Variants in TMEM266 observed in about 807,000 individuals in gnomAD.
TMEM266 encodes the protein Hv1 related protein 1.
TMEM266 carries 33 observed loss-of-function variants against 50.5 expected under a neutral mutation model. The observed-to-expected ratio is 0.65, with a 90% CI of 0.50 to 0.87. The LOEUF (loss-of-function observed/expected upper bound fraction) is 0.87, where lower values mean the gene tolerates loss of function less well. Among genes scored for constraint, TMEM266 ranks in the 40% least tolerant of loss-of-function variants. The pLI, the probability that TMEM266 is intolerant of heterozygous loss-of-function variation, is 0.00. For missense variants in TMEM266, 655 were observed against 695.1 expected, an observed-to-expected ratio of 0.94 and a Z score of 0.65; for synonymous variants, 310 against 292.3, an observed-to-expected ratio of 1.06 and a Z score of -0.62.
chr15:76,122,656 A>G (rs1234164291), intron 1 of TMEM266, among the ~76,000 whole-genome samples: 3 of 152,368 alleles, frequency 2.0e-5, no homozygotes, highest in Non-Finnish European at 4.4e-5. Flanking sequence ...ATACTGGGAC[A>G]GCCGCTGCAG....
chr15:76,129,966 G>T (rs146393272), intron 1 of TMEM266, among the ~76,000 whole-genome samples: 1 of 151,896 alleles, frequency 6.6e-6, no homozygotes, highest in Non-Finnish European at 1.5e-5. Context: ...GCTCACTCCC[G>T]TGATTTTAAC....
At position 76,103,238 on chromosome 15, in the gene TMEM266, C is replaced by T. The variant is rs145137995; in HGVS notation, c.-96-30930C>T. On this transcript the variant is annotated intron_variant, in intron 1 of 10. Coordinates refer to ENST00000388942, the MANE Select transcript of TMEM266 (RefSeq NM_152335.3). Reference sequence around the variant, plus strand: ...GGAGGAGTCAGCCAGGCAGGTAGTTCGTGCCTGTAATTCCAGCATTTTGGG... The same window carrying T: ...GGAGGAGTCAGCCAGGCAGGTAGTTTGTGCCTGTAATTCCAGCATTTTGGG... Among the ~76,000 whole-genome samples the T allele has an allele frequency of 1.0e-3, 158 of 151,950 alleles. 1 individual carries two copies. The highest frequency in any genetic ancestry group is 3.5e-3 in the African/African-American group (145 of 41,420).
rs369973801 is a variant in TMEM266 at position 76,171,144 on chromosome 15, A to AG, written c.652+19dup. 1.2e-5 allele frequency: 20 copies of AG among 1,612,610 alleles called. No homozygotes were observed. The highest frequency in any genetic ancestry group is 1.1e-4 in the African/African-American group (8 of 74,972). On this transcript the variant is annotated intron_variant, in intron 7 of 10. Transcript: ENST00000388942. The stretch of plus-strand genomic sequence containing the variant: ...AGGGTCATTGATGGTGAGTGGCCCG[A>AG]GGGGGGTGTGGTCAGTGGGGCTGCT...
intron 5 of TMEM266, among the ~76,000 whole-genome samples, chr15:76,163,465 T>C (rs1013805949): frequency 6.6e-6 from 1 of 152,174 alleles, no homozygotes; most frequent in African/African-American, 2.4e-5. Flanking sequence ...TGAGACTTCC[T>C]GGGCCCCAGT....
In TMEM266 at chr15:76,156,600, A is replaced by G. The variant is rs200454709; in HGVS notation, c.228-4A>G. On this transcript the variant is annotated splice_region_variant and splice_polypyrimidine_tract_variant and intron_variant, in intron 3 of 10. Transcript: ENST00000388942. Reference sequence around the variant, plus strand: ...CTCTCTTCTCCCCACTTTTGTCCCCACAGGTCTAACTGGCTGAAGCCGTGC... The same window carrying G: ...CTCTCTTCTCCCCACTTTTGTCCCCGCAGGTCTAACTGGCTGAAGCCGTGC... The G allele has an allele frequency of 1.8e-5, 29 of 1,613,316 alleles. No homozygotes were observed. The South Asian group carries it at 3.1e-4, about 17-fold the overall frequency.
chr15:76,119,015 C>T (rs1402129773), intron 1 of TMEM266, among the ~76,000 whole-genome samples: 1 of 152,148 alleles, frequency 6.6e-6, no homozygotes, highest in Admixed American at 6.5e-5. Flanking sequence ...CGTCATCATG[C>T]ACAGACCTGT....
intron 5 of TMEM266, among the ~76,000 whole-genome samples, chr15:76,163,430 G>T (rs2038047106): frequency 1.3e-5 from 2 of 152,120 alleles, no homozygotes; most frequent in Admixed American, 6.5e-5. Flanking sequence ...CCCTGCACAG[G>T]GTCCAAGGTG....
At chr15:76,095,455 G>A (rs2036909120) in intron 1 of TMEM266, among the ~76,000 whole-genome samples, 1 of 152,146 alleles carries the variant, frequency 6.6e-6, no homozygotes, top group African/African-American at 2.4e-5. Context: ...TGCATCCCAG[G>A]GATGAAGCCG....
chr15:76,119,766 C>CAAA (rs35165074), intron 1 of TMEM266, among the ~76,000 whole-genome samples: 1 of 148,104 alleles, frequency 6.8e-6, no homozygotes, highest in African/African-American at 2.5e-5. Flanking sequence ...GACTTGGTCT[C>CAAA]AAAAAAAAAA....
chr15:76,145,436 A>G (rs1181569267), intron 3 of TMEM266, among the ~76,000 whole-genome samples: 5 of 152,154 alleles, frequency 3.3e-5, no homozygotes, highest in African/African-American at 9.7e-5. Context: ...GGCAGGTGAG[A>G]GTGGCTGCCC....
chr15:76,197,730 C>T (rs1238488183), intron 9 of TMEM266, among the ~76,000 whole-genome samples: 1 of 152,214 alleles, frequency 6.6e-6, no homozygotes, highest in Non-Finnish European at 1.5e-5. Context: ...TTGCCCTGGG[C>T]TTTGGGGCCT....
rs568581156 is a variant in TMEM266 at position 76,078,818 on chromosome 15, T to G, written c.-97+18802T>G. On this transcript the variant is annotated intron_variant, in intron 1 of 10. Transcript: ENST00000388942. ...CTGGGTGGCTTAAAACAATGGAAAT[T>G]TATTCTCTCACAGTTCTGGAGGACA... is the stretch of plus-strand genomic sequence containing the variant. 6.6e-5 allele frequency among the ~76,000 whole-genome samples: 10 copies of G among 152,320 alleles called. 2 individuals carry two copies. In the South Asian group the frequency reaches 2.1e-3, roughly 32 times the overall value.
At chr15:76,179,263 T>G (rs1386139027) in intron 8 of TMEM266, among the ~76,000 whole-genome samples, 2 of 152,084 alleles carry the variant, frequency 1.3e-5, no homozygotes, top group Non-Finnish European at 2.9e-5. Flanking sequence ...ATCTGAAAAA[T>G]GGGTGTAGTA....
chr15:76,073,226 C>A (rs990581650), intron 1 of TMEM266, among the ~76,000 whole-genome samples: 2 of 133,108 alleles, frequency 1.5e-5, no homozygotes, highest in Admixed American at 1.8e-4. Flanking sequence ...CCACCTTGCC[C>A]GGCCTTCTTT....
At chr15:76,198,236 C>T (rs190688031) in intron 9 of TMEM266, among the ~76,000 whole-genome samples, 111 of 152,230 alleles carry the variant, frequency 7.3e-4, no homozygotes, top group Middle Eastern at 6.8e-3. Context: ...CCTGCAGAGC[C>T]GGGTTGGCCC....
chr15:76,189,367 AGGAAGGAAGGAAGGAAAGAAGGAG>A (rs1396541979), intron 8 of TMEM266, among the ~76,000 whole-genome samples: 1 of 150,884 alleles, frequency 6.6e-6, no homozygotes, highest in African/African-American at 2.5e-5. Flanking sequence ...GGAGGGAGGA[AGGAAGGAAGGAAGGAAAGAAGGAG>A]GGAAGGAAGG....
At chr15:76,183,243 G>A (rs1446084781) in intron 8 of TMEM266, among the ~76,000 whole-genome samples, 1 of 149,346 alleles carries the variant, frequency 6.7e-6, no homozygotes, top group African/African-American at 2.5e-5. Context: ...AACCTCCCGA[G>A]TAGCTGGGAT....
At chr15:76,192,185 G>T in intron 9 of TMEM266, 28 bp downstream of exon 9, 2 of 1,389,720 alleles carry the variant, frequency 1.4e-6, no homozygotes, top group East Asian at 6.1e-5. Context: ...CCCGGCCCCA[G>T]AGTGTCACGG....
chr15:76,116,571 G>A (rs1012586087), intron 1 of TMEM266, among the ~76,000 whole-genome samples: 2 of 151,822 alleles, frequency 1.3e-5, no homozygotes, highest in African/African-American at 2.4e-5. Context: ...TGGGGGTTGC[G>A]GACCACCTTG....
Sources: gnomAD v4.1 joint callset for allele counts (sites outside exome capture counted in the v4.1 genomes callset) on GRCh38, gnomAD v4.1.1 for gene constraint, MANE v1.5 for transcripts, NCBI Gene and HGNC (gene_info 2026-07-23, HGNC 2026-07-21) for gene names.